The following SLC12A8 variants were observed in gnomAD, a reference collection of about 807,000 sequenced individuals.
The protein encoded by SLC12A8 is solute carrier family 12 member 8, also known as cation-chloride cotransporter 9.
SLC12A8 carries 69 observed loss-of-function variants against 75.6 expected under a neutral mutation model. The ratio of observed to expected loss-of-function variants is 0.91; its 90% CI spans 0.75 to 1.11. The LOEUF (loss-of-function observed/expected upper bound fraction) is 1.11, where lower values mean the gene tolerates loss of function less well. SLC12A8 is among the 50% of genes most tolerant of loss of function. The probability of loss-of-function intolerance (pLI) is 0.00; values close to 1 mark genes in which losing one functional copy is unlikely to be tolerated. For synonymous variants in SLC12A8, 365 were observed against 372.8 expected, an observed-to-expected ratio of 0.98 and a Z score of 0.24; for missense variants, 877 against 896.7, an observed-to-expected ratio of 0.98 and a Z score of 0.28.
At chr3:125,150,897 C>T (rs1256839302) in intron 5 of SLC12A8, among the ~76,000 whole-genome samples, 1 of 152,128 alleles carries the variant, frequency 6.6e-6, no homozygotes, top group Non-Finnish European at 1.5e-5. Context: ...ACTTAAAAAT[C>T]ATGATAAAAA....
chr3:125,102,108 C>T (rs1351348707), intron 10 of SLC12A8, among the ~76,000 whole-genome samples: 1 of 151,954 alleles, frequency 6.6e-6, no homozygotes, highest in Non-Finnish European at 1.5e-5. Context: ...GTTTATATTA[C>T]TAATATGAAT....
chr3:125,117,032 G>T (rs1395658922), intron 8 of SLC12A8, among the ~76,000 whole-genome samples: 2 of 152,106 alleles, frequency 1.3e-5, no homozygotes, highest in Non-Finnish European at 2.9e-5. Flanking sequence ...CTGGAAAGTG[G>T]GTATCAGTTC....
chr3:125,178,617 T>C (rs1288483842), intron 4 of SLC12A8, among the ~76,000 whole-genome samples: 1 of 152,224 alleles, frequency 6.6e-6, no homozygotes, highest in Non-Finnish European at 1.5e-5. Context: ...CCAGTACAGA[T>C]GCAAATAACT....
intron 12 of SLC12A8, among the ~76,000 whole-genome samples, chr3:125,090,030 G>A (rs560351272): frequency 2.6e-5 from 4 of 151,812 alleles, no homozygotes; most frequent in Non-Finnish European, 5.9e-5. Flanking sequence ...TTAGGGTTAT[G>A]TAATATTCTT....
In SLC12A8 at chr3:125,083,623, G is replaced by C; in HGVS notation, c.*267C>G. On this transcript the variant is annotated 3_prime_UTR_variant, in exon 14 of 14. Coordinates refer to ENST00000469902, the MANE Select transcript of SLC12A8 (RefSeq NM_024628.6). Reference sequence around the variant, plus strand: ...TATAATCCCAGCTACTCAGGAGGCTGAGGCAGGAGAATTGCTTGAACTCGG... The same window carrying C: ...TATAATCCCAGCTACTCAGGAGGCTCAGGCAGGAGAATTGCTTGAACTCGG... The C allele has an allele frequency of 3.0e-6, 1 of 332,978 alleles. No individual in the cohort carries two copies. 20.6% of individuals were successfully genotyped at this position (332,978 alleles called of 1,614,324 possible).
intron 5 of SLC12A8, among the ~76,000 whole-genome samples, chr3:125,135,989 A>G (rs640717): frequency 0.98 from 149,821 of 152,320 alleles, 73,730 homozygotes; most frequent in East Asian, 1. Flanking sequence ...ATAGACACAG[A>G]TGGATGACAT....
At chr3:125,161,980 C>T (rs1039494597) in intron 5 of SLC12A8, among the ~76,000 whole-genome samples, 1 of 152,362 alleles carries the variant, frequency 6.6e-6, no homozygotes, top group East Asian at 1.9e-4. Context: ...ACTGGGCTTG[C>T]AAGCTGGCCC....
At chr3:125,109,506 G>C (rs961743482) in intron 9 of SLC12A8, among the ~76,000 whole-genome samples, 9 of 152,206 alleles carry the variant, frequency 5.9e-5, no homozygotes, top group African/African-American at 2.2e-4. Context: ...CTGAAAATTG[G>C]AAGCGGCTGG....
chr3:125,125,313 T>C (rs921377156), intron 6 of SLC12A8, among the ~76,000 whole-genome samples: 1 of 152,158 alleles, frequency 6.6e-6, no homozygotes, highest in Non-Finnish European at 1.5e-5. Context: ...ATCCCAGCAC[T>C]TTGGGAGGCT....
intron 5 of SLC12A8, among the ~76,000 whole-genome samples, chr3:125,153,710 C>A (rs887291650): frequency 6.6e-6 from 1 of 152,112 alleles, no homozygotes; most frequent in Non-Finnish European, 1.5e-5. Flanking sequence ...GTGACCTTGG[C>A]TCACTGCAAC....
intron 12 of SLC12A8, among the ~76,000 whole-genome samples, chr3:125,090,366 A>C (rs769811430): frequency 6.6e-6 from 1 of 152,230 alleles, no homozygotes; most frequent in Non-Finnish European, 1.5e-5. Context: ...TAAATGTTTC[A>C]TGTATAATTG....
In SLC12A8 at chr3:125,177,881, C is replaced by T. The variant is rs754173297; in HGVS notation, c.484G>A (p.Val162Ile). 3.3e-5 allele frequency: 53 copies of T among 1,614,104 alleles called. No homozygotes were observed. The Admixed American group carries it at 8.8e-4, about 27-fold the overall frequency. ...GNIWAVRGIS[V>I]AVLLALLGIN... ...CCCAGCAAGGCCAGAAGCACCGCAACTGAAATTCCTCGCACAGCCCAGATA... is the reference window on the plus strand; with the variant it reads ...CCCAGCAAGGCCAGAAGCACCGCAATTGAAATTCCTCGCACAGCCCAGATA... Residue 162 changes from valine (V) to isoleucine (I), a missense_variant, in exon 5 of 14, where the codon GTT becomes ATT. By Grantham distance (29) the Val-to-Ile change is conservative. Coordinates refer to ENST00000469902, the MANE Select transcript of SLC12A8 (RefSeq NM_024628.6).
intron 6 of SLC12A8, among the ~76,000 whole-genome samples, chr3:125,134,017 T>A (rs188088899): frequency 1.3e-5 from 2 of 152,362 alleles, no homozygotes; most frequent in East Asian, 1.9e-4. Context: ...TATACAATCA[T>A]ATTTATTTGC....
At chr3:125,127,954 G>A (rs1403884613) in intron 6 of SLC12A8, among the ~76,000 whole-genome samples, 2 of 151,970 alleles carry the variant, frequency 1.3e-5, no homozygotes, top group South Asian at 2.1e-4. Context: ...TTGGCTCACT[G>A]CAACCTCCAC....
chr3:125,181,051 TAA>T (rs1259971669), intron 4 of SLC12A8, among the ~76,000 whole-genome samples: 2 of 152,180 alleles, frequency 1.3e-5, no homozygotes, highest in African/African-American at 4.8e-5. Context: ...TAGAAAAGGA[TAA>T]GTTTAATTAT....
At position 125,142,975 on chromosome 3, in the gene SLC12A8, C is replaced by T. The variant is rs184606061; in HGVS notation, c.623-7193G>A. 2.6e-5 allele frequency among the ~76,000 whole-genome samples: 4 copies of T among 152,354 alleles called. 1 individual carries two copies. The highest frequency in any genetic ancestry group is 2.6e-4 in the Admixed American group (4 of 15,306). ...GCTCCAGAACCGTGAAACAAGCTCACTACCACAGTTCCATATGTTAATAAA... is the reference window on the plus strand; with the variant it reads ...GCTCCAGAACCGTGAAACAAGCTCATTACCACAGTTCCATATGTTAATAAA... On this transcript the variant is annotated intron_variant, in intron 5 of 13. Coordinates refer to ENST00000469902, the MANE Select transcript of SLC12A8 (RefSeq NM_024628.6).
At chr3:125,205,790 T>A (rs1021922677) in intron 2 of SLC12A8, among the ~76,000 whole-genome samples, 1 of 152,200 alleles carries the variant, frequency 6.6e-6, no homozygotes, top group Non-Finnish European at 1.5e-5. Flanking sequence ...AAATTTTCTA[T>A]TTGCAATTTG....
intron 5 of SLC12A8, among the ~76,000 whole-genome samples, chr3:125,174,962 A>G (rs997037908): frequency 6.6e-6 from 1 of 152,218 alleles, no homozygotes; most frequent in African/African-American, 2.4e-5. Flanking sequence ...TAGCAATAAC[A>G]TATCAATATT....
intron 7 of SLC12A8, chr3:125,119,134 T>C (rs531699472): frequency 3.7e-6 from 1 of 272,318 alleles, no homozygotes; most frequent in African/African-American, 2.2e-5. Context: ...CATGTCATCC[T>C]TGCACATGGG....
Sources: allele counts gnomAD v4.1 joint callset (sites outside exome capture counted in the v4.1 genomes callset), GRCh38; gene constraint gnomAD v4.1.1; transcripts MANE v1.5; gene names NCBI Gene and HGNC (gene_info 2026-07-23, HGNC 2026-07-21).